The following PDZD2 variants were observed in gnomAD, a reference collection of about 807,000 sequenced individuals.
The protein encoded by PDZD2 is PDZ domain containing 2.
Under a neutral mutation model 220.7 loss-of-function variants are expected in PDZD2, and 90 were observed. The observed-to-expected ratio is 0.41, with a 90% CI of 0.34 to 0.49. The LOEUF (loss-of-function observed/expected upper bound fraction) is 0.49, where lower values mean the gene tolerates loss of function less well. Among genes scored for constraint, PDZD2 ranks in the 20% least tolerant of loss-of-function variants. PDZD2 has a pLI of 0.28. For missense variants in PDZD2, 3,174 were observed against 3,608.5 expected (o/e 0.88, Z 3.08); for synonymous variants, 1,375 against 1,450.5 (o/e 0.95, Z 1.18).
chr5:31,830,679 G>A (rs1263798013), intron 2 of PDZD2, among the ~76,000 whole-genome samples: 1 of 151,990 alleles, frequency 6.6e-6, no homozygotes, highest in Non-Finnish European at 1.5e-5. Context: ...CTTTTTCCCA[G>A]ACTTGCAGAC....
intron 2 of PDZD2, among the ~76,000 whole-genome samples, chr5:31,810,177 G>A (rs1755007532): frequency 6.6e-6 from 1 of 151,978 alleles, no homozygotes; most frequent in Non-Finnish European, 1.5e-5. Flanking sequence ...TTTCTGTCCG[G>A]GTACTAAATA....
intron 2 of PDZD2, among the ~76,000 whole-genome samples, chr5:31,964,538 T>C (rs1329582537): frequency 6.6e-6 from 1 of 152,162 alleles, no homozygotes; most frequent in Non-Finnish European, 1.5e-5. Flanking sequence ...ACAGAAATCT[T>C]TGTGGATGCC....
intron 2 of PDZD2, among the ~76,000 whole-genome samples, chr5:31,831,867 T>C (rs1356695062): frequency 7.2e-6 from 1 of 138,528 alleles, no homozygotes; most frequent in African/African-American, 2.9e-5. Context: ...TGAGCCAAGA[T>C]TGCCCCACTG....
At chr5:31,708,636 T>C (rs1747936521) in intron 1 of PDZD2, among the ~76,000 whole-genome samples, 1 of 152,212 alleles carries the variant, frequency 6.6e-6, no homozygotes, top group African/African-American at 2.4e-5. Flanking sequence ...CATTATGCAC[T>C]GACCAATTCA....
intron 2 of PDZD2, among the ~76,000 whole-genome samples, chr5:31,895,728 T>C (rs973724663): frequency 6.6e-6 from 1 of 152,106 alleles, no homozygotes; most frequent in Non-Finnish European, 1.5e-5. Flanking sequence ...AAAATACACA[T>C]ACCTCCCTCA....
At chr5:32,023,715 A>C (rs573564470) in intron 6 of PDZD2, among the ~76,000 whole-genome samples, 2 of 152,298 alleles carry the variant, frequency 1.3e-5, no homozygotes, top group South Asian at 4.1e-4. Flanking sequence ...TCAAGTCTTC[A>C]TAACGACTCT....
intron 24 of PDZD2, 21 bp downstream of exon 24, chr5:32,101,260 G>A: frequency 1.3e-6 from 2 of 1,565,158 alleles, no homozygotes; most frequent in African/African-American, 1.4e-5. Flanking sequence ...AGACAACTCA[G>A]TCAGCCTTCT....
chr5:31,678,288 AC>A (rs942461377), intron 1 of PDZD2, among the ~76,000 whole-genome samples: 1 of 151,896 alleles, frequency 6.6e-6, no homozygotes, highest in Non-Finnish European at 1.5e-5. Context: ...ACTCCCACTC[AC>A]CCCAGAGCTC....
chr5:31,712,406 G>T (rs1160297862), intron 1 of PDZD2, among the ~76,000 whole-genome samples: 1 of 151,782 alleles, frequency 6.6e-6, no homozygotes, highest in Non-Finnish European at 1.5e-5. Flanking sequence ...GCAATGAAGA[G>T]CTGGACGACT....
intron 1 of PDZD2, among the ~76,000 whole-genome samples, chr5:31,798,338 G>A (rs1754165709): frequency 6.6e-6 from 1 of 152,194 alleles, no homozygotes; most frequent in Non-Finnish European, 1.5e-5. Flanking sequence ...GAATCTACAG[G>A]ATGGCGAAGT....
intron 1 of PDZD2, among the ~76,000 whole-genome samples, chr5:31,677,159 C>G (rs1314828852): frequency 6.6e-6 from 1 of 152,132 alleles, no homozygotes; most frequent in African/African-American, 2.4e-5. Context: ...GCTTCAGTTG[C>G]CAGGAAGGGT....
intron 1 of PDZD2, chr5:31,692,983 G>C (rs918417511): frequency 2.0e-5 from 3 of 152,420 alleles, no homozygotes; most frequent in Admixed American, 6.5e-5. Flanking sequence ...AGGTTAAGCG[G>C]CTTGTTTGTT....
Position 32,010,424 on chromosome 5 carries a change from A to G in PDZD2, c.1349A>G (p.Glu450Gly), listed in dbSNP as rs1469453641. The G allele has an allele frequency of 6.2e-7, 1 of 1,611,252 alleles. No individual in the cohort carries two copies. Among genetic ancestry groups the G allele is most frequent in the Non-Finnish European group, 8.5e-7 (1 of 1,177,492 alleles). ...GATGTGTCCTCCTGGACTGATAACG[A>G]AGACCAGGAGGCAGACGGGGAAGAG... ...VEDVSSWTDN[E>G]DQEADGEEDE... The change falls in exon 6 of 25, where the codon GAA becomes GGA. Residue 450 changes from glutamate to glycine, a missense_variant. By Grantham distance (98) the Glu-to-Gly change is moderately conservative. This residue lies in a region of PDZD2 where 632 missense variants were observed against 708.1 expected (regional missense o/e 0.89). Coordinates refer to ENST00000438447, the MANE Select transcript of PDZD2 (RefSeq NM_178140.4).
At chr5:31,705,629 A>G (rs1747789902) in intron 1 of PDZD2, among the ~76,000 whole-genome samples, 1 of 152,258 alleles carries the variant, frequency 6.6e-6, no homozygotes, top group Non-Finnish European at 1.5e-5. Flanking sequence ...ATAATAAAAT[A>G]AGATTGGAAA....
chr5:32,013,238 C>T, intron 6 of PDZD2, among the ~76,000 whole-genome samples: 1 of 151,792 alleles, frequency 6.6e-6, no homozygotes, highest in South Asian at 2.1e-4. Flanking sequence ...TTTGTTTCAC[C>T]AATGTACTTC....
At chr5:31,685,569 G>C (rs1338074129) in intron 1 of PDZD2, among the ~76,000 whole-genome samples, 1 of 152,136 alleles carries the variant, frequency 6.6e-6, no homozygotes, top group East Asian at 1.9e-4. Flanking sequence ...TGTCGCCCAG[G>C]CTGGAGTGCA....
At chr5:31,812,015 TAAATAAA>T (rs1755146339) in intron 2 of PDZD2, among the ~76,000 whole-genome samples, 1 of 149,106 alleles carries the variant, frequency 6.7e-6, no homozygotes, top group Non-Finnish European at 1.5e-5. Context: ...AATAAATAAA[TAAATAAA>T]TAAATAAATA....
chr5:32,066,209 G>A lies in PDZD2; in HGVS notation c.2452-3360G>A, dbSNP rs1393542786. ...AATACAAAAAAAATTGTCAGGTGTGGTGGTACATGCCTATAATCCCAGCTA... is the reference window on the plus strand; with the variant it reads ...AATACAAAAAAAATTGTCAGGTGTGATGGTACATGCCTATAATCCCAGCTA... On this transcript the variant is annotated intron_variant, in intron 14 of 24. Transcript: ENST00000438447. Among the ~76,000 whole-genome samples, 4 of 151,688 alleles carry A rather than the reference G, an allele frequency of 2.6e-5. No individual in the cohort carries two copies. The East Asian group carries it at 7.7e-4, about 29-fold the overall frequency.
At chr5:31,828,210 G>C (rs1391454945) in intron 2 of PDZD2, among the ~76,000 whole-genome samples, 1 of 152,200 alleles carries the variant, frequency 6.6e-6, no homozygotes, top group African/African-American at 2.4e-5. Context: ...ATATATGTAA[G>C]AATGGAATTG....
Sources: gnomAD v4.1 joint callset for allele counts (sites outside exome capture counted in the v4.1 genomes callset) on GRCh38, gnomAD v4.1.1 for gene constraint, gnomAD v4.1.1 regional missense constraint, MANE v1.5 for transcripts, NCBI Gene and HGNC (gene_info 2026-07-23, HGNC 2026-07-21) for gene names.